The following UBE2D2 variants were observed in gnomAD, a reference collection of about 807,000 sequenced individuals.
UBE2D2 encodes ubiquitin-conjugating enzyme E2 D2.
UBE2D2 carries 2 observed loss-of-function variants against 24.2 expected under a neutral mutation model. That is an observed-to-expected ratio of 0.08 (90% confidence interval 0.03 to 0.26). The LOEUF (loss-of-function observed/expected upper bound fraction) is 0.26. UBE2D2 is among the 10% of genes least tolerant of loss of function. UBE2D2 has a pLI of 1.00. For missense variants in UBE2D2, 44 were observed against 177.6 expected (o/e 0.25, Z 4.28); for synonymous variants, 58 against 56.5 (o/e 1.03, Z -0.12).
At chr5:139,575,843 C>A (rs766085776) in intron 1 of UBE2D2, among the ~76,000 whole-genome samples, 1 of 152,160 alleles carries the variant, frequency 6.6e-6, no homozygotes, top group Admixed American at 6.6e-5. Context: ...TTCAGCAAGA[C>A]CCCTTCTCTA....
intron 1 of UBE2D2, among the ~76,000 whole-genome samples, chr5:139,598,027 G>A (rs566409530): frequency 1.4e-4 from 21 of 152,108 alleles, no homozygotes; most frequent in African/African-American, 4.6e-4. Context: ...TCAGCCTCCC[G>A]AGTAGCTGGG....
chr5:139,599,766 A>G (rs903522288), intron 1 of UBE2D2, among the ~76,000 whole-genome samples: 3 of 151,946 alleles, frequency 2.0e-5, no homozygotes, highest in Non-Finnish European at 4.4e-5. Context: ...AACAAAAAAA[A>G]CAGTATTTTT....
rs577022778 is a variant in UBE2D2, at chr5:139,562,124, T to A, written c.24+309T>A. The A allele has an allele frequency of 8.7e-5, 98 of 1,128,014 alleles. No homozygotes were observed. In the African/African-American group the frequency reaches 1.5e-3, roughly 17 times the overall value. The allele number at this position is 1,128,014 out of a possible 1,614,324, so 69.9% of individuals were successfully genotyped here. ...CTGCCGCTGCACTTGAGGGCCATTG[T>A]CGGGCCAGGATGGCGGGGTTGGGGC... On this transcript the variant is annotated intron_variant, in intron 1 of 6. Coordinates refer to ENST00000398733, the MANE Select transcript of UBE2D2 (RefSeq NM_003339.3).
At chr5:139,549,977 C>T (rs1752887093) in intron 1 of UBE2D2, among the ~76,000 whole-genome samples, 1 of 152,240 alleles carries the variant, frequency 6.6e-6, no homozygotes, top group Non-Finnish European at 1.5e-5. Flanking sequence ...ATTGTAAATA[C>T]ACCAATTAGC....
intron 1 of UBE2D2, among the ~76,000 whole-genome samples, chr5:139,544,290 T>A (rs1752796918): frequency 8.7e-6 from 1 of 115,572 alleles, no homozygotes; most frequent in Non-Finnish European, 1.8e-5. Context: ...GCCACTGCAA[T>A]TTTTTTTTTT....
chr5:139,533,731 CAAGT>C (rs1554075423), intron 1 of UBE2D2, among the ~76,000 whole-genome samples: 1 of 151,376 alleles, frequency 6.6e-6, no homozygotes, highest in Non-Finnish European at 1.5e-5. Flanking sequence ...CGTCAGAAAA[CAAGT>C]AATTCCAAGA....
Position 139,605,591 on chromosome 5 carries a change from CAAAAAAAA to C in UBE2D2, c.88+5172_88+5179del, listed in dbSNP as rs70988710. ...TGTGTGACAGAGCAAGACTCTGTCTCAAAAAAAAAAAAAAAAAAAAAAAGAAAAGAAAG... is the reference window on the plus strand; with the variant it reads ...TGTGTGACAGAGCAAGACTCTGTCTCAAAAAAAAAAAAAAAGAAAAGAAAG... On this transcript the variant is annotated intron_variant, in intron 2 of 6. Coordinates refer to ENST00000398733, the MANE Select transcript of UBE2D2 (RefSeq NM_003339.3). Among the ~76,000 whole-genome samples the C allele has an allele frequency of 2.2e-4, 10 of 44,718 alleles. No individual in the cohort carries two copies. The Admixed American group carries it at 2.9e-3, about 13-fold the overall frequency. The allele number at this position is 44,718 out of a possible 152,430, so 29.3% of individuals were successfully genotyped here.
At chr5:139,555,883 G>A (rs532731782) in intron 1 of UBE2D2, among the ~76,000 whole-genome samples, 6 of 116,352 alleles carry the variant, frequency 5.2e-5, no homozygotes, top group East Asian at 5.8e-4. Context: ...CTGAGATCAC[G>A]CCACTGCACT....
intron 1 of UBE2D2, among the ~76,000 whole-genome samples, chr5:139,548,436 A>C (rs1752866876): frequency 6.6e-6 from 1 of 151,804 alleles, no homozygotes; most frequent in Non-Finnish European, 1.5e-5. Context: ...GAAACGATCC[A>C]TCCTCTGCTG....
intron 5 of UBE2D2, among the ~76,000 whole-genome samples, chr5:139,618,521 C>T (rs1754459926): frequency 6.6e-6 from 1 of 152,142 alleles, no homozygotes. Context: ...GGTTGCACTT[C>T]CTTCACCAAA....
intron 1 of UBE2D2, among the ~76,000 whole-genome samples, chr5:139,549,144 G>C (rs1327243420): frequency 6.6e-6 from 1 of 152,164 alleles, no homozygotes; most frequent in African/African-American, 2.4e-5. Context: ...ACTGTGCCCG[G>C]TCTTAAAAGC....
At chr5:139,568,615 C>T (rs979714293) in intron 1 of UBE2D2, among the ~76,000 whole-genome samples, 5 of 151,834 alleles carry the variant, frequency 3.3e-5, no homozygotes, top group African/African-American at 9.7e-5. Flanking sequence ...GGAGATCGCG[C>T]CGCTGCATTC....
chr5:139,624,244 A>T (rs1381694254), intron 6 of UBE2D2, among the ~76,000 whole-genome samples: 1 of 152,230 alleles, frequency 6.6e-6, no homozygotes. Context: ...GAATTGTACT[A>T]TGAATTATTG....
intron 1 of UBE2D2, among the ~76,000 whole-genome samples, chr5:139,578,167 A>G (rs1753518738): frequency 6.6e-6 from 1 of 152,150 alleles, no homozygotes; most frequent in Admixed American, 6.6e-5. Flanking sequence ...CTAAAAATAG[A>G]TGGAATTTCA....
In UBE2D2 at chr5:139,627,021, G is replaced by C. The variant is rs1397435871; in HGVS notation, c.*220G>C. 8.0e-6 allele frequency: 4 copies of C among 498,298 alleles called. No homozygotes were observed. In the East Asian group the frequency reaches 1.1e-4, roughly 13 times the overall value. The allele number at this position is 498,298 out of a possible 1,614,324, so 30.9% of individuals were successfully genotyped here. A position where few individuals can be genotyped will look rare whatever the true frequency, so the allele number is the denominator to read the frequency against. On this transcript the variant is annotated 3_prime_UTR_variant, in exon 7 of 7. Transcript: ENST00000398733. ...CAACATTGCCTCCTAGCAGAGAAGT[G>C]TGTGTGTGACAAGCCAGTTCTACAG...
chr5:139,605,619 A>G (rs559716886), intron 2 of UBE2D2, among the ~76,000 whole-genome samples: 157 of 150,248 alleles, frequency 1.0e-3, no homozygotes, highest in African/African-American at 3.8e-3. Context: ...AAAAAAGAAA[A>G]GAAAGAAACA....
At chr5:139,623,503 G>A in intron 6 of UBE2D2, 42 bp downstream of exon 6, 1 of 1,507,520 alleles carries the variant, frequency 6.6e-7, no homozygotes, top group Non-Finnish European at 9.2e-7. Context: ...GTGGTGGGAT[G>A]GAGATGTTTG....
chr5:139,598,026 C>A (rs548123080), intron 1 of UBE2D2, among the ~76,000 whole-genome samples: 1 of 152,126 alleles, frequency 6.6e-6, no homozygotes, highest in Non-Finnish European at 1.5e-5. Flanking sequence ...CTCAGCCTCC[C>A]GAGTAGCTGG....
intron 5 of UBE2D2, among the ~76,000 whole-genome samples, chr5:139,615,316 C>G (rs1388263712): frequency 6.6e-6 from 1 of 152,072 alleles, no homozygotes; most frequent in Non-Finnish European, 1.5e-5. Flanking sequence ...AACCCCGTCT[C>G]TACTAAAAAT....
Sources: gnomAD v4.1 joint callset for allele counts (sites outside exome capture counted in the v4.1 genomes callset) on GRCh38, gnomAD v4.1.1 for gene constraint, MANE v1.5 for transcripts, NCBI Gene and HGNC (gene_info 2026-07-23, HGNC 2026-07-21) for gene names.